ZNF292: variants seen among roughly 807,000 people sequenced by gnomAD.
The protein encoded by ZNF292 is 16 zinc-finger domain protein.
ZNF292 carries 26 observed loss-of-function variants against 217.9 expected under a neutral mutation model. That is an observed-to-expected ratio of 0.12 (90% confidence interval 0.09 to 0.17). The LOEUF (loss-of-function observed/expected upper bound fraction) is 0.17. Ranked by LOEUF, ZNF292 falls within the 10% of genes least tolerant of loss-of-function variation. The pLI is 1.00. For synonymous variants in ZNF292, 1,257 were observed against 1,124.1 expected (o/e 1.12, Z -2.37); for missense variants, 2,904 against 3,175.2 (o/e 0.91, Z 2.05).
chr6:87,243,504 G>A lies in ZNF292; in HGVS notation c.771G>A (p.Leu257=). 1 of 1,550,344 alleles carries A rather than the reference G, an allele frequency of 6.5e-7. No individual in the cohort carries two copies. The change falls in exon 6 of 8, where the codon CTG becomes CTA. Residue 257 remains leucine (L), a synonymous_variant. Transcript: ENST00000369577. ...CAGAAGTTGATTGCAAAGATGCACTGGAAATGATCTGTAACTTAGAATCTG... is the reference window on the plus strand; with the variant it reads ...CAGAAGTTGATTGCAAAGATGCACTAGAAATGATCTGTAACTTAGAATCTG... ...EISEVDCKDA[L]EMICNLESEG... is the part of the protein sequence containing the mutation.
At chr6:87,187,410 C>T (rs905003966) in intron 1 of ZNF292, among the ~76,000 whole-genome samples, 1 of 128,024 alleles carries the variant, frequency 7.8e-6, no homozygotes, top group East Asian at 2.5e-4. Flanking sequence ...TGAATGAACC[C>T]ACTCTGTGGT....
rs1775784894 is a variant in ZNF292 at position 87,265,752 on chromosome 6, CCAATT to C, written c.*3957_*3961del. Among the ~76,000 whole-genome samples, 2 of 152,182 alleles carry C rather than the reference CCAATT, an allele frequency of 1.3e-5. No individual in the cohort carries two copies. Among genetic ancestry groups the C allele is most frequent in the African/African-American group, 2.4e-5 (1 of 41,422 alleles). ...CCAGGACTGATAATCAACGTGTACA[CCAATT>C]CAATTGTATCAGCTGTTTGCAAATG... On this transcript the variant is annotated 3_prime_UTR_variant, in exon 8 of 8. Transcript: ENST00000369577.
At chr6:87,182,987 C>G (rs1442750193) in intron 1 of ZNF292, among the ~76,000 whole-genome samples, 1 of 152,116 alleles carries the variant, frequency 6.6e-6, no homozygotes, top group African/African-American at 2.4e-5. Context: ...CAATGAAACA[C>G]TCATGGAGAT....
chr6:87,245,249 T>A (rs1190202824), intron 6 of ZNF292, among the ~76,000 whole-genome samples: 1 of 151,566 alleles, frequency 6.6e-6, no homozygotes, highest in Non-Finnish European at 1.5e-5. Flanking sequence ...AAAAAAAAAA[T>A]GTTAGATGCT....
chr6:87,181,058 G>A (rs1258750183), intron 1 of ZNF292, among the ~76,000 whole-genome samples: 1 of 152,032 alleles, frequency 6.6e-6, no homozygotes. Context: ...GTGAGTGCCT[G>A]CAACCCCACT....
At position 87,260,056 on chromosome 6, in the gene ZNF292, C is replaced by T; in HGVS notation, c.6427C>T (p.Leu2143=). The change falls in exon 8 of 8, where the codon CTA becomes TTA. Residue 2143 remains leucine, a synonymous_variant. Coordinates refer to ENST00000369577, the MANE Select transcript of ZNF292 (RefSeq NM_015021.3). ...LHYQAVHKSD[L]PAFSAEVEEE... ...TTACCAGGCTGTACACAAATCAGAT[C>T]TACCTGCATTTTCAGCAGAGGTCGA... The T allele has an allele frequency of 6.2e-7, 1 of 1,613,582 alleles. No homozygotes were observed. Among genetic ancestry groups the T allele is most frequent in the Non-Finnish European group, 8.5e-7 (1 of 1,179,646 alleles).
At chr6:87,248,655 G>T (rs1326997902) in intron 7 of ZNF292, among the ~76,000 whole-genome samples, 1 of 152,298 alleles carries the variant, frequency 6.6e-6, no homozygotes, top group East Asian at 1.9e-4. Context: ...TAAATCATAG[G>T]TTGTGCCACT....
intron 1 of ZNF292, among the ~76,000 whole-genome samples, chr6:87,192,329 A>G (rs1222632535): frequency 6.6e-6 from 1 of 151,790 alleles, no homozygotes; most frequent in Non-Finnish European, 1.5e-5. Flanking sequence ...TAAAAAGTGA[A>G]TATAAATCTA....
chr6:87,168,858 C>T (rs1770999342), intron 1 of ZNF292, among the ~76,000 whole-genome samples: 1 of 151,982 alleles, frequency 6.6e-6, no homozygotes, highest in African/African-American at 2.4e-5. Flanking sequence ...GGCTCCAGGA[C>T]CCCCCTTAGA....
Position 87,219,965 on chromosome 6 carries a change from C to G in ZNF292, c.538+1234C>G, listed in dbSNP as rs369080639. Among the ~76,000 whole-genome samples, 4 of 152,232 alleles carry G rather than the reference C, an allele frequency of 2.6e-5. No individual in the cohort carries two copies. The East Asian group carries it at 5.8e-4, about 22-fold the overall frequency. On this transcript the variant is annotated intron_variant, in intron 4 of 7. Coordinates refer to ENST00000369577, the MANE Select transcript of ZNF292 (RefSeq NM_015021.3). ...CCTCCTGAGTAGCTGGGACTGCAGA[C>G]ACATGCCACCACACTCAGCTAGTTT...
At chr6:87,229,515 C>T (rs1773540811) in intron 4 of ZNF292, among the ~76,000 whole-genome samples, 1 of 152,176 alleles carries the variant, frequency 6.6e-6, no homozygotes, top group African/African-American at 2.4e-5. Flanking sequence ...CAACCTCCGC[C>T]TCCCGGGTTC....
chr6:87,192,851 G>T (rs955118214), intron 1 of ZNF292, among the ~76,000 whole-genome samples: 5 of 152,126 alleles, frequency 3.3e-5, no homozygotes, highest in Non-Finnish European at 5.9e-5. Context: ...GCACGTCCCT[G>T]TATTTTAAGT....
chr6:87,248,167 C>G (rs1774704499), intron 7 of ZNF292, among the ~76,000 whole-genome samples: 1 of 152,130 alleles, frequency 6.6e-6, no homozygotes, highest in Admixed American at 6.5e-5. Flanking sequence ...AGCATGATAA[C>G]AAGAAGTATT....
chr6:87,252,364 G>A (rs1215893702), intron 7 of ZNF292, among the ~76,000 whole-genome samples: 1 of 152,054 alleles, frequency 6.6e-6, no homozygotes, highest in African/African-American at 2.4e-5. Flanking sequence ...TGTTGGCCAG[G>A]CTGGTCTCAA....
intron 1 of ZNF292, among the ~76,000 whole-genome samples, chr6:87,196,897 TAAC>T (rs1343325180): frequency 3.9e-5 from 6 of 152,094 alleles, no homozygotes; most frequent in African/African-American, 9.7e-5. Flanking sequence ...ATGGTAAAAA[TAAC>T]AAAGCCAACA....
At chr6:87,200,186 G>A (rs1772065487) in intron 1 of ZNF292, among the ~76,000 whole-genome samples, 2 of 152,148 alleles carry the variant, frequency 1.3e-5, no homozygotes, top group Non-Finnish European at 2.9e-5. Context: ...TATATGTTGG[G>A]CTAAAGTCTT....
intron 1 of ZNF292, among the ~76,000 whole-genome samples, chr6:87,171,320 AC>A (rs1342429191): frequency 2.0e-5 from 3 of 152,002 alleles, no homozygotes; most frequent in Non-Finnish European, 4.4e-5. Flanking sequence ...AACTAAAAGA[AC>A]AGATTTTGAA....
chr6:87,211,836 C>G (rs1196668213), intron 1 of ZNF292, among the ~76,000 whole-genome samples: 2 of 152,160 alleles, frequency 1.3e-5, no homozygotes, highest in Admixed American at 6.5e-5. Flanking sequence ...CCCCTCTATG[C>G]CATCTCCCCC....
intron 1 of ZNF292, 63 bp from the exon 2 acceptor site, chr6:87,215,840 T>C (rs748485676): frequency 5.8e-5 from 77 of 1,331,378 alleles, no homozygotes; most frequent in Non-Finnish European, 6.8e-5. Flanking sequence ...AAAAAACAGC[T>C]GATGAGTCAA....
Sources: allele counts gnomAD v4.1 joint callset (sites outside exome capture counted in the v4.1 genomes callset), GRCh38; gene constraint gnomAD v4.1.1; transcripts MANE v1.5; gene names NCBI Gene and HGNC (gene_info 2026-07-23, HGNC 2026-07-21).